Variants in PDE1C observed in about 807,000 individuals in gnomAD.
PDE1C encodes the protein phosphodiesterase 1C.
A neutral mutation model predicts 93.1 loss-of-function variants in PDE1C; 62 were observed. The observed-to-expected ratio is 0.67, with a 90% confidence interval of 0.54 to 0.82. PDE1C has a LOEUF of 0.82. Ranked by LOEUF, PDE1C falls within the 40% of genes least tolerant of loss-of-function variation. The pLI is 0.00. For synonymous variants in PDE1C, 325 were observed against 310.1 expected (o/e 1.05, Z -0.50); for missense variants, 742 against 884.6 (o/e 0.84, Z 2.04).
intron 17 of PDE1C, among the ~76,000 whole-genome samples, chr7:31,769,246 T>C (rs1263918201): frequency 6.6e-6 from 1 of 152,222 alleles, no homozygotes; most frequent in Non-Finnish European, 1.5e-5. Flanking sequence ...ATGGAAGATA[T>C]TTTCTTCATT....
chr7:32,348,755 A>G (rs1783902048), intron 1 of PDE1C, among the ~76,000 whole-genome samples: 1 of 152,196 alleles, frequency 6.6e-6, no homozygotes, highest in Non-Finnish European at 1.5e-5. Context: ...ATGGCCATCA[A>G]AAGATGTATC....
intron 2 of PDE1C, among the ~76,000 whole-genome samples, chr7:32,014,492 A>C (rs576768874): frequency 6.6e-6 from 1 of 152,220 alleles, no homozygotes; most frequent in Admixed American, 6.5e-5. Flanking sequence ...TCTGGGATAC[A>C]TGTGCAGAAC....
intron 2 of PDE1C, among the ~76,000 whole-genome samples, chr7:31,945,622 T>C (rs1402592889): frequency 2.0e-5 from 3 of 152,196 alleles, no homozygotes; most frequent in Non-Finnish European, 2.9e-5. Flanking sequence ...AAGAGGAAGA[T>C]TGAATATGAT....
rs575171563 is a variant in PDE1C, at chr7:32,417,154, C to T, written c.310+10668G>A. ...CCACGAGCTGAGCGGTCCCAGGGAGCATAGTCAGTTCTGTGGCACAGGCCC... is the reference window on the plus strand; with the variant it reads ...CCACGAGCTGAGCGGTCCCAGGGAGTATAGTCAGTTCTGTGGCACAGGCCC... On this transcript the variant is annotated intron_variant, in intron 1 of 1. Transcript: ENST00000672256. Among the ~76,000 whole-genome samples, 5 of 152,256 alleles carry T rather than the reference C, an allele frequency of 3.3e-5. 1 individual carries two copies. The highest frequency in any genetic ancestry group is 1.9e-4 in the East Asian group (1 of 5,152).
chr7:32,108,297 T>A (rs113058151), intron 3 of PDE1C, among the ~76,000 whole-genome samples: 15 of 138,792 alleles, frequency 1.1e-4, no homozygotes, highest in East Asian at 6.4e-4. Context: ...ACAGAAACTA[T>A]CACATTTACC....
At chr7:32,085,745 A>T (rs916050047) in intron 3 of PDE1C, among the ~76,000 whole-genome samples, 2 of 151,936 alleles carry the variant, frequency 1.3e-5, no homozygotes, top group African/African-American at 4.8e-5. Flanking sequence ...AGAACCAAAG[A>T]CAAAAACCAC....
At chr7:31,984,806 T>C (rs1370491021) in intron 2 of PDE1C, among the ~76,000 whole-genome samples, 1 of 152,228 alleles carries the variant, frequency 6.6e-6, no homozygotes, top group East Asian at 1.9e-4. Flanking sequence ...AAATTAAATG[T>C]TGACACAAAT....
chr7:31,875,825 A>ATATATATG, intron 5 of PDE1C, among the ~76,000 whole-genome samples: 1 of 122,092 alleles, frequency 8.2e-6, no homozygotes, highest in Non-Finnish European at 1.7e-5. Context: ...ATATATATAT[A>ATATATATG]TATATATATA....
At chr7:32,034,500 C>T (rs1790777492) in intron 2 of PDE1C, among the ~76,000 whole-genome samples, 1 of 152,136 alleles carries the variant, frequency 6.6e-6, no homozygotes, top group South Asian at 2.1e-4. Context: ...TATTCCTTGG[C>T]ACAGTTTTCA....
chr7:32,425,735 G>A (rs918913667), intron 1 of PDE1C, among the ~76,000 whole-genome samples: 1 of 152,024 alleles, frequency 6.6e-6, no homozygotes, highest in Non-Finnish European at 1.5e-5. Flanking sequence ...TGAGCCCAAG[G>A]GTTCAAGACC....
the PDE1C span, among the ~76,000 whole-genome samples, chr7:31,723,420 A>C: frequency 1.3e-5 from 2 of 152,154 alleles, no homozygotes; most frequent in African/African-American, 4.8e-5. Context: ...TGTTTCAGGG[A>C]GTTGGTGGAG....
downstream of PDE1C, among the ~76,000 whole-genome samples, chr7:31,748,754 G>T (rs775635808): frequency 6.6e-6 from 1 of 152,176 alleles, no homozygotes; most frequent in Non-Finnish European, 1.5e-5. Context: ...TCAGGGCCAC[G>T]CTTGGAGGCC....
chr7:32,016,830 GACAAT>G (rs1787972841), intron 2 of PDE1C, among the ~76,000 whole-genome samples: 1 of 152,120 alleles, frequency 6.6e-6, no homozygotes, highest in Admixed American at 6.6e-5. Context: ...TGAAAATTTT[GACAAT>G]ACTTCTCTGG....
At chr7:32,083,582 T>C (rs1006228100) in intron 3 of PDE1C, among the ~76,000 whole-genome samples, 46 of 151,972 alleles carry the variant, frequency 3.0e-4, no homozygotes, top group African/African-American at 1.1e-3. Flanking sequence ...AAGCAAAAAA[T>C]GTTAAGGGCA....
At chr7:32,398,830 A>G (rs1784889879) in intron 1 of PDE1C, among the ~76,000 whole-genome samples, 2 of 152,050 alleles carry the variant, frequency 1.3e-5, no homozygotes, top group Admixed American at 6.6e-5. Context: ...CAAACAGAAG[A>G]CAGAAAGTAA....
intron 2 of PDE1C, among the ~76,000 whole-genome samples, chr7:32,048,666 T>A (rs1792929856): frequency 6.6e-6 from 1 of 152,174 alleles, no homozygotes; most frequent in Non-Finnish European, 1.5e-5. Context: ...AAGTCCTTCC[T>A]GAATTCCTGA....
At chr7:31,636,909 T>C in the PDE1C span, among the ~76,000 whole-genome samples, 1 of 106,286 alleles carries the variant, frequency 9.4e-6, no homozygotes, top group African/African-American at 3.8e-5. Flanking sequence ...CAACAGTCCC[T>C]GGTGTGTGAT....
intron 11 of PDE1C, among the ~76,000 whole-genome samples, chr7:31,835,033 T>C (rs1790885054): frequency 6.6e-6 from 1 of 152,130 alleles, no homozygotes; most frequent in African/African-American, 2.4e-5. Context: ...CTGATGGTTT[T>C]ATAATGGAAA....
chr7:31,892,959 GTTAA>G (rs1445590335), intron 2 of PDE1C, among the ~76,000 whole-genome samples: 2 of 152,122 alleles, frequency 1.3e-5, no homozygotes, highest in African/African-American at 2.4e-5. Flanking sequence ...TAATTGTTAT[GTTAA>G]TTAGATTGAT....
Sources: allele counts gnomAD v4.1 joint callset (sites outside exome capture counted in the v4.1 genomes callset), GRCh38; gene constraint gnomAD v4.1.1; transcripts MANE v1.5; gene names NCBI Gene and HGNC (gene_info 2026-07-23, HGNC 2026-07-21).